Variants in ASCC3 observed in about 807,000 individuals in gnomAD.
The protein encoded by ASCC3 is activating signal cointegrator 1 complex subunit 3.
In ASCC3, 158 loss-of-function variants were observed where a neutral mutation model predicts 256.3. That is an observed-to-expected ratio of 0.62 (90% CI 0.54 to 0.70). The LOEUF is 0.70. ASCC3 is among the 30% of genes least tolerant of loss of function. The pLI is 0.00. For missense variants in ASCC3, 2,259 were observed against 2,626.0 expected, an observed-to-expected ratio of 0.86 and a Z score of 3.05; for synonymous variants, 948 against 883.4, an observed-to-expected ratio of 1.07 and a Z score of -1.30.
intron 8 of ASCC3, among the ~76,000 whole-genome samples, chr6:100,772,992 T>G (rs1782015860): frequency 6.6e-6 from 1 of 152,190 alleles, no homozygotes; most frequent in Admixed American, 6.5e-5. Flanking sequence ...GTGCTTACTA[T>G]GGGCTAAGCA....
intron 30 of ASCC3, among the ~76,000 whole-genome samples, chr6:100,616,180 T>C (rs1773655867): frequency 6.6e-6 from 1 of 152,158 alleles, no homozygotes; most frequent in Non-Finnish European, 1.5e-5. Context: ...CATTAGAATC[T>C]CCACCAAATC....
intron 34 of ASCC3, among the ~76,000 whole-genome samples, chr6:100,598,436 A>C (rs530052120): frequency 7.9e-5 from 12 of 152,258 alleles, no homozygotes; most frequent in African/African-American, 2.6e-4. Context: ...AATACCCAAG[A>C]ATACTCTGGA....
chr6:100,819,101 TG>T (rs1582910866), intron 4 of ASCC3, among the ~76,000 whole-genome samples: 1 of 142,568 alleles, frequency 7.0e-6, no homozygotes, highest in East Asian at 2.1e-4. Context: ...CACTCACAGG[TG>T]GGAATTGAAC....
intron 10 of ASCC3, among the ~76,000 whole-genome samples, chr6:100,749,105 C>T (rs1780821565): frequency 6.6e-6 from 1 of 152,016 alleles, no homozygotes; most frequent in Admixed American, 6.6e-5. Context: ...ACTATTTGTT[C>T]TCCTCCATAT....
Position 100,767,027 on chromosome 6 carries a change from C to T in ASCC3, c.1596+118G>A. 5.6e-6 allele frequency: 6 copies of T among 1,063,620 alleles called. No individual in the cohort carries two copies. In the South Asian group the frequency reaches 6.8e-5, roughly 12 times the overall value. The allele number at this position is 1,063,620 out of a possible 1,614,324, so 65.9% of individuals were successfully genotyped here. A position where few individuals can be genotyped will look rare whatever the true frequency, so the allele number is the denominator to read the frequency against. On this transcript the variant is annotated intron_variant, in intron 9 of 41. Transcript: ENST00000369162. ...TAATGAAGTAAATCAAACAGTATTA[C>T]TTATCTGACTTCAAGTACAATATCT...
intron 13 of ASCC3, among the ~76,000 whole-genome samples, chr6:100,709,708 A>T (rs1055694805): frequency 1.3e-5 from 2 of 152,154 alleles, no homozygotes; most frequent in Non-Finnish European, 2.9e-5. Context: ...AAAACTGTAT[A>T]TATGGTATAA....
In ASCC3 at chr6:100,646,663, G is replaced by C. The variant is rs775912013; in HGVS notation, c.3585C>G (p.Val1195=). 6.2e-7 allele frequency: 1 copy of C among 1,614,022 alleles called. No homozygotes were observed. The highest frequency in any genetic ancestry group is 1.1e-5 in the South Asian group (1 of 91,082). ...CATAGATGCTGAGTGTCACTCGGAG[G>C]ACAGTCCTTGTGATAGGCTGAATGG... ...EASIQPITRT[V]LRVTLSIYAD... is the part of the protein sequence containing the mutation. The change falls in exon 22 of 42, where the codon GTC becomes GTG. Residue 1195 remains valine, a synonymous_variant. Transcript: ENST00000369162.
At chr6:100,671,617 G>C (rs1173790302) in intron 14 of ASCC3, among the ~76,000 whole-genome samples, 1 of 151,940 alleles carries the variant, frequency 6.6e-6, no homozygotes, top group Non-Finnish European at 1.5e-5. Context: ...GGGCTTTATA[G>C]TCAGTAAAAC....
intron 4 of ASCC3, among the ~76,000 whole-genome samples, chr6:100,839,500 T>G (rs1235783033): frequency 6.6e-6 from 1 of 152,146 alleles, no homozygotes; most frequent in South Asian, 2.1e-4. Flanking sequence ...AATAATGCTT[T>G]TTTACCCACA....
chr6:100,699,111 A>G (rs1217498254), intron 13 of ASCC3, among the ~76,000 whole-genome samples: 3 of 152,314 alleles, frequency 2.0e-5, no homozygotes, highest in African/African-American at 7.2e-5. Context: ...GGTTTGTGAA[A>G]GTACACTCTA....
chr6:100,775,611 T>C (rs1782149791), intron 8 of ASCC3, among the ~76,000 whole-genome samples: 1 of 152,086 alleles, frequency 6.6e-6, no homozygotes, highest in Admixed American at 6.5e-5. Flanking sequence ...TATAATATTA[T>C]TGCATATATA....
intron 8 of ASCC3, among the ~76,000 whole-genome samples, chr6:100,794,630 A>G (rs1277475736): frequency 6.6e-6 from 1 of 152,126 alleles, no homozygotes. Context: ...CCCAGAACTT[A>G]GCCGAATAAG....
chr6:100,743,130 G>C (rs1293558486), intron 10 of ASCC3, among the ~76,000 whole-genome samples: 1 of 152,154 alleles, frequency 6.6e-6, no homozygotes, highest in Non-Finnish European at 1.5e-5. Flanking sequence ...GAGAAGCGTG[G>C]TTTCCCAGGT....
At chr6:100,640,294 A>G (rs1274004386) in intron 24 of ASCC3, among the ~76,000 whole-genome samples, 1 of 152,206 alleles carries the variant, frequency 6.6e-6, no homozygotes, top group Non-Finnish European at 1.5e-5. Flanking sequence ...GCTTTACATT[A>G]GTGAAAGATG....
At chr6:100,823,428 G>C (rs1003741272) in intron 4 of ASCC3, among the ~76,000 whole-genome samples, 4 of 152,128 alleles carry the variant, frequency 2.6e-5, no homozygotes, top group Non-Finnish European at 5.9e-5. Flanking sequence ...AACAAAACAT[G>C]AACGAATGCA....
intron 5 of ASCC3, among the ~76,000 whole-genome samples, chr6:100,802,214 T>A (rs1207564016): frequency 6.6e-6 from 1 of 152,006 alleles, no homozygotes; most frequent in Non-Finnish European, 1.5e-5. Context: ...TTAGGTTAAC[T>A]GTAGAAACTG....
At chr6:100,801,381 C>T (rs1014522535) in intron 5 of ASCC3, among the ~76,000 whole-genome samples, 5 of 152,070 alleles carry the variant, frequency 3.3e-5, no homozygotes, top group Non-Finnish European at 5.9e-5. Flanking sequence ...TTGGTCCATA[C>T]TCTGACAAAG....
chr6:100,610,332 T>C (rs1026272201), intron 30 of ASCC3, among the ~76,000 whole-genome samples: 2 of 152,168 alleles, frequency 1.3e-5, no homozygotes, highest in African/African-American at 2.4e-5. Flanking sequence ...TGAGAAACTA[T>C]TGCTGCTGCT....
intron 36 of ASCC3, among the ~76,000 whole-genome samples, chr6:100,584,916 C>T (rs1771562877): frequency 6.6e-6 from 1 of 152,200 alleles, no homozygotes. Flanking sequence ...CCCCCACTCT[C>T]TTCTAGCTTG....
Sources: allele counts gnomAD v4.1 joint callset (sites outside exome capture counted in the v4.1 genomes callset), GRCh38; gene constraint gnomAD v4.1.1; transcripts MANE v1.5; gene names NCBI Gene and HGNC (gene_info 2026-07-23, HGNC 2026-07-21).